RANBP9: variants seen among roughly 807,000 people sequenced by gnomAD.
RANBP9 encodes RAN binding protein 9, also known as ran-binding protein 9.
A neutral mutation model predicts 84.3 loss-of-function variants in RANBP9; 15 were observed. The ratio of observed to expected loss-of-function variants is 0.18; its 90% CI spans 0.12 to 0.27. The LOEUF (loss-of-function observed/expected upper bound fraction) is 0.27, where lower values mean the gene tolerates loss of function less well. RANBP9 is among the 10% of genes least tolerant of loss of function. RANBP9 has a pLI of 1.00. For synonymous variants in RANBP9, 392 were observed against 349.6 expected (o/e 1.12, Z -1.35); for missense variants, 809 against 912.8 (o/e 0.89, Z 1.46).
intron 1 of RANBP9, among the ~76,000 whole-genome samples, chr6:13,709,438 A>G (rs1197307049): frequency 6.6e-6 from 1 of 152,282 alleles, no homozygotes; most frequent in Non-Finnish European, 1.5e-5. Flanking sequence ...ATTTAAAATT[A>G]TAAAATTCTG....
intron 2 of RANBP9, among the ~76,000 whole-genome samples, chr6:13,678,187 G>A (rs1166836035): frequency 1.3e-5 from 2 of 152,018 alleles, no homozygotes; most frequent in African/African-American, 2.4e-5. Flanking sequence ...TACTTGAGAC[G>A]TATTTCAGTG....
chr6:13,677,377 T>C (rs1765915629), intron 2 of RANBP9, among the ~76,000 whole-genome samples: 1 of 152,174 alleles, frequency 6.6e-6, no homozygotes, highest in African/African-American at 2.4e-5. Context: ...ATAGCCTATG[T>C]TCATGGACAG....
chr6:13,626,758 A>C (rs1764617683), intron 12 of RANBP9, among the ~76,000 whole-genome samples: 1 of 152,226 alleles, frequency 6.6e-6, no homozygotes, highest in African/African-American at 2.4e-5. Flanking sequence ...GAAATTCCTA[A>C]AGAGCACCAT....
rs771898538 is a variant in RANBP9 at position 13,622,179 on chromosome 6, T to C, written c.*183A>G. On this transcript the variant is annotated 3_prime_UTR_variant, in exon 14 of 14. Coordinates refer to ENST00000011619, the MANE Select transcript of RANBP9 (RefSeq NM_005493.3). ...CTAAGAGGTTAAAGATGGAAAATAA[T>C]TTCTCCTAACACTAAGTTAGAAAAT... is the stretch of plus-strand genomic sequence containing the variant. 34 of 504,948 alleles carry C rather than the reference T, an allele frequency of 6.7e-5. No homozygotes were observed. Among genetic ancestry groups the C allele is most frequent in the Non-Finnish European group, 1.0e-4 (33 of 329,328 alleles). The allele number at this position is 504,948 out of a possible 1,614,324, so 31.3% of individuals were successfully genotyped here.
At chr6:13,673,174 T>C (rs1160832768) in intron 2 of RANBP9, among the ~76,000 whole-genome samples, 4 of 152,048 alleles carry the variant, frequency 2.6e-5, no homozygotes, top group African/African-American at 7.2e-5. Context: ...ACTCACTCTA[T>C]ATAAAAGAAG....
chr6:13,711,249 G>A lies in RANBP9; in HGVS notation c.257C>T (p.Pro86Leu). Residue 86 changes from proline (P) to leucine (L), a missense_variant, in exon 1 of 14, where the codon CCG (proline) becomes CTG (leucine). By Grantham distance (98) the Pro-to-Leu change is moderately conservative. This residue lies in a region of RANBP9 where 302 missense variants were observed against 240.1 expected (regional missense o/e 1.26). Coordinates refer to ENST00000011619, the MANE Select transcript of RANBP9 (RefSeq NM_005493.3). ...TGAGGCAGGGGGAGGCGGGGGCGGCGGCGGGGGCGGCGGGGCCGCGGTGGC... is the reference window on the plus strand; with the variant it reads ...TGAGGCAGGGGGAGGCGGGGGCGGCAGCGGGGGCGGCGGGGCCGCGGTGGC... The part of the protein sequence containing the change: ...PPATAAPPPP[P>L]PPPPPPASAA... 1 of 982,424 alleles carries A rather than the reference G, an allele frequency of 1.0e-6. No homozygotes were observed. Among genetic ancestry groups the A allele is most frequent in the Non-Finnish European group, 1.2e-6 (1 of 828,598 alleles). The allele number at this position is 982,424 out of a possible 1,614,324, so 60.9% of individuals were successfully genotyped here.
chr6:13,639,846 G>T, intron 8 of RANBP9, 93 bp from the exon 9 acceptor site: 1 of 1,082,642 alleles, frequency 9.2e-7, no homozygotes, highest in Non-Finnish European at 1.3e-6. Flanking sequence ...TTAAAACTTT[G>T]ATTTATCAGT....
intron 1 of RANBP9, among the ~76,000 whole-genome samples, chr6:13,701,177 T>C (rs1214650385): frequency 1.3e-5 from 2 of 152,184 alleles, no homozygotes; most frequent in African/African-American, 2.4e-5. Flanking sequence ...TTCCCTCATA[T>C]GCCCATCATT....
intron 5 of RANBP9, among the ~76,000 whole-genome samples, chr6:13,650,143 T>G (rs1765263398): frequency 6.6e-6 from 1 of 151,652 alleles, no homozygotes; most frequent in South Asian, 2.1e-4. Context: ...CGGCAGGGTT[T>G]TTTGTTGTTG....
chr6:13,624,654 A>C (rs139358486), intron 13 of RANBP9, among the ~76,000 whole-genome samples: 1 of 152,238 alleles, frequency 6.6e-6, no homozygotes, highest in African/African-American at 2.4e-5. Flanking sequence ...TCAGTATATA[A>C]ATACTATAAT....
chr6:13,643,743 G>A (rs895834696), intron 6 of RANBP9, among the ~76,000 whole-genome samples: 3 of 152,082 alleles, frequency 2.0e-5, no homozygotes, highest in East Asian at 1.9e-4. Context: ...GCTTCACTTC[G>A]TGGTGACTAT....
chr6:13,669,750 G>A (rs1370848956), intron 2 of RANBP9, among the ~76,000 whole-genome samples: 1 of 152,092 alleles, frequency 6.6e-6, no homozygotes, highest in Non-Finnish European at 1.5e-5. Flanking sequence ...CACCATGCCT[G>A]GCTAACTTTT....
At chr6:13,642,691 G>A (rs1056511033) in intron 6 of RANBP9, 100 bp from the exon 7 acceptor site, 3 of 696,144 alleles carry the variant, frequency 4.3e-6, no homozygotes, top group East Asian at 3.3e-5. Context: ...TTATAAAAAC[G>A]AACCTATTTC....
intron 1 of RANBP9, among the ~76,000 whole-genome samples, chr6:13,709,424 AT>A (rs1181439321): frequency 2.0e-5 from 3 of 152,234 alleles, no homozygotes; most frequent in African/African-American, 7.2e-5. Context: ...ACTGTCAACC[AT>A]AAATTTAAAA....
chr6:13,702,336 G>A (rs778995115), intron 1 of RANBP9, among the ~76,000 whole-genome samples: 29 of 152,118 alleles, frequency 1.9e-4, no homozygotes, highest in Non-Finnish European at 3.7e-4. Flanking sequence ...TCAGCTATTC[G>A]GGAGGCTGAG....
intron 2 of RANBP9, among the ~76,000 whole-genome samples, chr6:13,688,076 C>T (rs1214175932): frequency 6.6e-6 from 1 of 152,160 alleles, no homozygotes; most frequent in African/African-American, 2.4e-5. Context: ...TGCTTCACAC[C>T]AGGTACTCTA....
chr6:13,691,578 T>C (rs976811041), intron 2 of RANBP9, among the ~76,000 whole-genome samples: 1 of 152,204 alleles, frequency 6.6e-6, no homozygotes, highest in Non-Finnish European at 1.5e-5. Context: ...ATGAGAAAAT[T>C]TGTTGCCAAG....
intron 5 of RANBP9, among the ~76,000 whole-genome samples, chr6:13,648,589 T>C (rs1235186834): frequency 1.3e-5 from 2 of 152,188 alleles, no homozygotes; most frequent in African/African-American, 2.4e-5. Flanking sequence ...ATGAAAAGAA[T>C]AGGAAAACAT....
Position 13,652,644 on chromosome 6 carries a change from T to A in RANBP9, c.927+15A>T, listed in dbSNP as rs1260580353. The stretch of plus-strand genomic sequence containing the variant: ...GTAATTAAAAATGGAAAACTGCTTT[T>A]AAAAAAAGTCTTACCGGTAGGTCAG... On this transcript the variant is annotated intron_variant, in intron 5 of 13. Transcript: ENST00000011619. The A allele has an allele frequency of 2.3e-5, 36 of 1,570,730 alleles. No individual in the cohort carries two copies. The highest frequency in any genetic ancestry group is 3.0e-5 in the Non-Finnish European group (35 of 1,150,264).
Sources: allele counts gnomAD v4.1 joint callset (sites outside exome capture counted in the v4.1 genomes callset), GRCh38; gene constraint gnomAD v4.1.1; regional missense constraint gnomAD v4.1.1; transcripts MANE v1.5; gene names NCBI Gene and HGNC (gene_info 2026-07-23, HGNC 2026-07-21).